NDUFS6: variants seen among roughly 807,000 people sequenced by gnomAD.
The protein encoded by NDUFS6 is NADH dehydrogenase [ubiquinone] iron-sulfur protein 6, mitochondrial.
NDUFS6 carries 14 observed loss-of-function variants against 13.2 expected under a neutral mutation model. The observed-to-expected ratio is 1.06, with a 90% CI of 0.70 to 1.66. The LOEUF is 1.66. Among genes scored for constraint, NDUFS6 ranks in the 40% most tolerant of loss-of-function variants. The probability of loss-of-function intolerance (pLI) is 0.00; values close to 1 mark genes in which losing one functional copy is unlikely to be tolerated. For synonymous variants in NDUFS6, 95 were observed against 72.3 expected (o/e 1.31, Z -1.60); for missense variants, 206 against 170.8 (o/e 1.21, Z -1.15).
At position 1,802,331 on chromosome 5, in the gene NDUFS6, A is replaced by T. The variant is rs199652659; in HGVS notation, c.143A>T (p.Asp48Val). The T allele has an allele frequency of 6.2e-7, 1 of 1,614,114 alleles. No individual in the cohort carries two copies. Among genetic ancestry groups the T allele is most frequent in the Non-Finnish European group, 8.5e-7 (1 of 1,179,986 alleles). ...KVTHTGQVYD[D>V]KDYRRIRFVG... ...TTTGTTTTTTTCCAGGTTTATGATGATAAAGACTACAGGAGAATTCGGTTT... is the reference window on the plus strand; with the variant it reads ...TTTGTTTTTTTCCAGGTTTATGATGTTAAAGACTACAGGAGAATTCGGTTT... The change falls in exon 2 of 4, where the codon GAT becomes GTT. Residue 48 changes from aspartate (D) to valine (V), a missense_variant. Coordinates refer to ENST00000274137, the MANE Select transcript of NDUFS6 (RefSeq NM_004553.6).
rs114276900 is a variant in NDUFS6, at chr5:1,803,605, T to C, written c.186+1231T>C. Among the ~76,000 whole-genome samples, 243 of 152,376 alleles carry C rather than the reference T, an allele frequency of 1.6e-3. 2 individuals carry two copies. The highest frequency in any genetic ancestry group is 5.7e-3 in the African/African-American group (239 of 41,588). On this transcript the variant is annotated intron_variant, in intron 2 of 3. Transcript: ENST00000274137. Reference sequence around the variant, plus strand: ...ATTGAATCATAAGTCTCCAGTGATATCACACTGTCAGTTGTCGAGTAAGTG... The same window carrying C: ...ATTGAATCATAAGTCTCCAGTGATACCACACTGTCAGTTGTCGAGTAAGTG...
chr5:1,809,670 C>T (rs1276494146), intron 2 of NDUFS6, among the ~76,000 whole-genome samples: 1 of 152,252 alleles, frequency 6.6e-6, no homozygotes, highest in African/African-American at 2.4e-5. Flanking sequence ...TGATCGGGGC[C>T]TGGCAGTTTG....
Position 1,814,696 on chromosome 5 carries a change from C to T in NDUFS6, c.309+235C>T, listed in dbSNP as rs761167072. On this transcript the variant is annotated intron_variant, in intron 3 of 3. Coordinates refer to ENST00000274137, the MANE Select transcript of NDUFS6 (RefSeq NM_004553.6). This position sits in a 1 kb window ranked among gnomAD's most constrained non-coding sequence, Gnocchi z 4.9. ...AAGTGGTGGGCGGCATGTTTCTCTT[C>T]TCGGACGCCCAAGCGTCTTTCCTCT... is the stretch of plus-strand genomic sequence containing the variant. 3.8e-4 allele frequency: 278 copies of T among 732,138 alleles called. No homozygotes were observed. Among genetic ancestry groups the T allele is most frequent in the Admixed American group, 1.4e-4 (7 of 50,020 alleles). The allele number at this position is 732,138 out of a possible 1,614,324, so 45.4% of individuals were successfully genotyped here.
At chr5:1,813,030 C>T (rs932105943) in intron 2 of NDUFS6, among the ~76,000 whole-genome samples, 8 of 151,930 alleles carry the variant, frequency 5.3e-5, no homozygotes, top group South Asian at 2.1e-4. Context: ...CCAGCCTGGG[C>T]GACAGAGTGA....
rs1395818545 is a variant in NDUFS6, at chr5:1,814,335, C to T, written c.187-4C>T. Reference sequence around the variant, plus strand: ...GTTTACGTAAGTCTTTCTTCTTGTTCCAGGTGAATGAAAACTTTGCCATTG... The same window carrying T: ...GTTTACGTAAGTCTTTCTTCTTGTTTCAGGTGAATGAAAACTTTGCCATTG... On this transcript the variant is annotated splice_polypyrimidine_tract_variant and splice_region_variant and intron_variant, in intron 2 of 3. Transcript: ENST00000274137. This position sits in a 1 kb window ranked among gnomAD's most constrained non-coding sequence, Gnocchi z 4.9. 2.5e-6 allele frequency: 4 copies of T among 1,614,128 alleles called. No homozygotes were observed. In the South Asian group the frequency reaches 3.3e-5, roughly 13 times the overall value.
At chr5:1,801,641 T>C in intron 1 of NDUFS6, 92 bp downstream of exon 1, 1 of 1,490,126 alleles carries the variant, frequency 6.7e-7, no homozygotes, top group Non-Finnish European at 8.9e-7. Context: ...CGGCCCTGGT[T>C]CTGCGCCGGC....
chr5:1,802,284 C>T (rs375094716), intron 1 of NDUFS6, 37 bp from the exon 2 acceptor site: 2 of 1,567,946 alleles, frequency 1.3e-6, no homozygotes, highest in Admixed American at 1.7e-5. Flanking sequence ...AGAATTAGGC[C>T]GTAAAAGTCA....
intron 2 of NDUFS6, among the ~76,000 whole-genome samples, chr5:1,804,965 ATCCC>A (rs1021175429): frequency 1.3e-5 from 2 of 152,194 alleles, no homozygotes; most frequent in Non-Finnish European, 2.9e-5. Flanking sequence ...CTGCCTGTTC[ATCCC>A]TCCCTCTGCC....
chr5:1,814,754 C>T lies in NDUFS6; in HGVS notation c.309+293C>T. On this transcript the variant is annotated intron_variant, in intron 3 of 3. Transcript: ENST00000274137. This position sits in a 1 kb window ranked among gnomAD's most constrained non-coding sequence, Gnocchi z 4.9. ...CTTCTCGGTTTGGTCATCATCTCAGCTCAGGCTGCCACACACAGCACCGCA... is the reference window on the plus strand; with the variant it reads ...CTTCTCGGTTTGGTCATCATCTCAGTTCAGGCTGCCACACACAGCACCGCA... 1 of 695,870 alleles carries T rather than the reference C, an allele frequency of 1.4e-6. No homozygotes were observed. Among genetic ancestry groups the T allele is most frequent in the South Asian group, 1.5e-5 (1 of 66,992 alleles). 43.1% of individuals were successfully genotyped at this position (695,870 alleles called of 1,614,324 possible). A position where few individuals can be genotyped will look rare whatever the true frequency, so the allele number is the denominator to read the frequency against.
rs1352425764 is a variant in NDUFS6 at position 1,814,816 on chromosome 5, C to T, written c.309+355C>T. The T allele has an allele frequency of 1.9e-5, 12 of 639,578 alleles. No homozygotes were observed. The highest frequency in any genetic ancestry group is 2.8e-5 in the Non-Finnish European group (10 of 355,628). The allele number at this position is 639,578 out of a possible 1,614,324, so 39.6% of individuals were successfully genotyped here. A position where few individuals can be genotyped will look rare whatever the true frequency, so the allele number is the denominator to read the frequency against. ...AAAACAACAAACACATTTCCCACAG[C>T]GCTGGAGGCTGCAGCCCAAGACCAC... On this transcript the variant is annotated intron_variant, in intron 3 of 3. Coordinates refer to ENST00000274137, the MANE Select transcript of NDUFS6 (RefSeq NM_004553.6). This position sits in a 1 kb window ranked among gnomAD's most constrained non-coding sequence, Gnocchi z 4.9.
intron 2 of NDUFS6, among the ~76,000 whole-genome samples, chr5:1,803,769 A>G (rs1483031502): frequency 2.0e-5 from 3 of 152,224 alleles, no homozygotes; most frequent in Non-Finnish European, 4.4e-5. Context: ...GATTCACACA[A>G]AGGAGCTCAT....
chr5:1,804,375 A>G (rs1436543080), intron 2 of NDUFS6, among the ~76,000 whole-genome samples: 2 of 152,260 alleles, frequency 1.3e-5, no homozygotes, highest in East Asian at 3.8e-4. Context: ...AACTTAAACC[A>G]AACAGAATCA....
At chr5:1,810,077 C>T (rs564145667) in intron 2 of NDUFS6, among the ~76,000 whole-genome samples, 4 of 152,266 alleles carry the variant, frequency 2.6e-5, no homozygotes, top group Admixed American at 2.0e-4. Flanking sequence ...CTGCCTCCCA[C>T]TGCGTGTGTG....
intron 2 of NDUFS6, 87 bp downstream of exon 2, chr5:1,802,461 A>C: frequency 8.7e-7 from 1 of 1,150,902 alleles, no homozygotes; most frequent in Non-Finnish European, 1.2e-6. Context: ...TATAAGATTT[A>C]AATAAATTTT....
chr5:1,802,948 A>C (rs1207637874), intron 2 of NDUFS6, among the ~76,000 whole-genome samples: 1 of 150,976 alleles, frequency 6.6e-6, no homozygotes, highest in Non-Finnish European at 1.5e-5. Flanking sequence ...CTTCTCTATC[A>C]CTCATGTCAA....
Position 1,814,228 on chromosome 5 carries a change from A to T in NDUFS6, c.187-111A>T. ...TACAATGATAATAGTTAAATGAAGC[A>T]TGCACCATAGATTCGTGCTGATGGT... On this transcript the variant is annotated intron_variant, in intron 2 of 3. Coordinates refer to ENST00000274137, the MANE Select transcript of NDUFS6 (RefSeq NM_004553.6). The surrounding 1 kb of genome is among the most constrained non-coding windows in gnomAD (Gnocchi z 4.9). 1.4e-6 allele frequency: 2 copies of T among 1,423,524 alleles called. No homozygotes were observed. The highest frequency in any genetic ancestry group is 2.0e-6 in the Non-Finnish European group (2 of 1,011,012). 88.2% of individuals were successfully genotyped at this position (1,423,524 alleles called of 1,614,324 possible).
intron 2 of NDUFS6, among the ~76,000 whole-genome samples, chr5:1,807,320 G>A (rs993142451): frequency 1.3e-5 from 2 of 152,200 alleles, no homozygotes; most frequent in Non-Finnish European, 1.5e-5. Context: ...TGGAAATGGA[G>A]TTTCAGTTTA....
At chr5:1,815,788 C>T (rs1734298829) in intron 3 of NDUFS6, 63 bp from the exon 4 acceptor site, 35 of 1,506,942 alleles carry the variant, frequency 2.3e-5, no homozygotes, top group Non-Finnish European at 3.0e-5. Flanking sequence ...ATTTTCAATG[C>T]TTAATATCTA....
At chr5:1,807,763 C>A (rs1259848737) in intron 2 of NDUFS6, among the ~76,000 whole-genome samples, 1 of 152,242 alleles carries the variant, frequency 6.6e-6, no homozygotes, top group Non-Finnish European at 1.5e-5. Flanking sequence ...GCAGCACCAC[C>A]CGAACCATGT....
Sources: gnomAD v4.1 joint callset for allele counts (sites outside exome capture counted in the v4.1 genomes callset) on GRCh38, gnomAD v4.1.1 for gene constraint, Gnocchi (gnomAD v3.1) non-coding constraint, MANE v1.5 for transcripts, NCBI Gene and HGNC (gene_info 2026-07-23, HGNC 2026-07-21) for gene names.